CSMD1: variants seen among roughly 807,000 people sequenced by gnomAD.
CSMD1 encodes CUB and sushi domain-containing protein 1.
A neutral mutation model predicts 417.5 loss-of-function variants in CSMD1; 213 were observed. The observed-to-expected ratio is 0.51, with a 90% CI of 0.46 to 0.57. The LOEUF is 0.57. CSMD1 is among the 20% of genes least tolerant of loss of function. The pLI is 0.00. For missense variants in CSMD1, 6,923 were observed against 4,529.7 expected, an observed-to-expected ratio of 1.53 and a Z score of -15.17; for synonymous variants, 2,862 against 1,736.8, an observed-to-expected ratio of 1.65 and a Z score of -16.11.
chr8:3,918,223 T>C (rs1450291414), intron 5 of CSMD1, among the ~76,000 whole-genome samples: 3 of 152,106 alleles, frequency 2.0e-5, no homozygotes, highest in Admixed American at 6.6e-5. Flanking sequence ...GAAGTGGGGA[T>C]TGCTGGGTCA....
intron 1 of CSMD1, among the ~76,000 whole-genome samples, chr8:4,698,891 G>T (rs1005280117): frequency 6.7e-6 from 1 of 148,424 alleles, no homozygotes; most frequent in Non-Finnish European, 1.5e-5. Flanking sequence ...TTAAACATGT[G>T]CATACCCTCC....
intron 1 of CSMD1, among the ~76,000 whole-genome samples, chr8:4,947,194 T>G (rs934357296): frequency 7.9e-5 from 12 of 152,190 alleles, no homozygotes; most frequent in Non-Finnish European, 1.6e-4. Context: ...ACAGAATACA[T>G]TCACTGCTGT....
chr8:4,105,580 G>T (rs28639388), intron 3 of CSMD1, among the ~76,000 whole-genome samples: 32,002 of 152,046 alleles, frequency 0.21, 4,088 homozygotes, highest in South Asian at 0.38. Context: ...CATTGTCTAT[G>T]AGTAGGTGAT....
rs769075992 is a variant in CSMD1, at chr8:3,106,678, G to A, written c.6836-37C>T. On this transcript the variant is annotated intron_variant, in intron 45 of 69. Coordinates refer to ENST00000635120, the MANE Select transcript of CSMD1 (RefSeq NM_033225.6). ...AATGCAACAAACCAGGAAATTGTGTGTGACCTTCTGAGTGTGTGAAGGTGT... is the reference window on the plus strand; with the variant it reads ...AATGCAACAAACCAGGAAATTGTGTATGACCTTCTGAGTGTGTGAAGGTGT... 4 of 1,323,256 alleles carry A rather than the reference G, an allele frequency of 3.0e-6. No homozygotes were observed. The South Asian group carries it at 3.8e-5, about 12-fold the overall frequency. 82.0% of individuals were successfully genotyped at this position (1,323,256 alleles called of 1,614,324 possible).
At chr8:3,846,577 T>G (rs1033156179) in intron 5 of CSMD1, among the ~76,000 whole-genome samples, 2 of 152,190 alleles carry the variant, frequency 1.3e-5, no homozygotes, top group East Asian at 1.9e-4. Flanking sequence ...TTAGATTAAG[T>G]TGACATTTAA....
intron 1 of CSMD1, among the ~76,000 whole-genome samples, chr8:4,981,960 G>A (rs1303898316): frequency 6.6e-6 from 1 of 152,150 alleles, no homozygotes; most frequent in Non-Finnish European, 1.5e-5. Context: ...ACAACCGTGT[G>A]TGGCCCCCAG....
At chr8:2,961,516 A>G (rs2128925600) in intron 61 of CSMD1, among the ~76,000 whole-genome samples, 1 of 152,206 alleles carries the variant, frequency 6.6e-6, no homozygotes, top group South Asian at 2.1e-4. Context: ...TCAATGATAT[A>G]CTATCTTCAA....
At chr8:3,809,039 C>A (rs1182058512) in intron 5 of CSMD1, among the ~76,000 whole-genome samples, 1 of 152,130 alleles carries the variant, frequency 6.6e-6, no homozygotes, top group Non-Finnish European at 1.5e-5. Flanking sequence ...TGAAGAGATA[C>A]ACTTAGCTTT....
At chr8:4,342,821 G>A (rs527397022) in intron 3 of CSMD1, among the ~76,000 whole-genome samples, 62 of 147,588 alleles carry the variant, frequency 4.2e-4, no homozygotes, top group South Asian at 2.1e-3. Flanking sequence ...CCACAACATC[G>A]CAAAGAAAAA....
intron 2 of CSMD1, among the ~76,000 whole-genome samples, chr8:4,519,934 T>C (rs956438126): frequency 3.9e-4 from 42 of 108,786 alleles, no homozygotes; most frequent in South Asian, 2.6e-3. Flanking sequence ...TGTGTGTGTG[T>C]GCGTGTGTGT....
intron 2 of CSMD1, among the ~76,000 whole-genome samples, chr8:4,555,193 T>C (rs909045417): frequency 6.6e-6 from 1 of 152,070 alleles, no homozygotes; most frequent in Non-Finnish European, 1.5e-5. Context: ...GGCAGATTGG[T>C]AGGAATAAGA....
chr8:3,959,869 A>T (rs185203842), intron 5 of CSMD1, among the ~76,000 whole-genome samples: 88 of 152,338 alleles, frequency 5.8e-4, no homozygotes, highest in Middle Eastern at 3.4e-3. Flanking sequence ...TGAGGTATAT[A>T]ACGTGTGATC....
intron 2 of CSMD1, among the ~76,000 whole-genome samples, chr8:4,500,568 A>G (rs1802210279): frequency 6.6e-6 from 1 of 152,092 alleles, no homozygotes; most frequent in African/African-American, 2.4e-5. Context: ...ACTGTTACTA[A>G]AAAGAAGAAC....
At chr8:4,833,968 A>G (rs1800304698) in intron 1 of CSMD1, among the ~76,000 whole-genome samples, 1 of 152,068 alleles carries the variant, frequency 6.6e-6, no homozygotes, top group African/African-American at 2.4e-5. Flanking sequence ...CTATCTTAGC[A>G]CCTTGAAGAG....
intron 37 of CSMD1, among the ~76,000 whole-genome samples, chr8:3,167,580 T>C (rs987978467): frequency 5.9e-5 from 9 of 152,338 alleles, no homozygotes; most frequent in Admixed American, 1.3e-4. Flanking sequence ...ATTCCAATGT[T>C]AAAATTTGGA....
Position 4,748,111 on chromosome 8 carries a change from G to C in CSMD1, c.86-110553C>G, listed in dbSNP as rs553355730. Among the ~76,000 whole-genome samples, 7 of 152,214 alleles carry C rather than the reference G, an allele frequency of 4.6e-5. No homozygotes were observed. The South Asian group carries it at 8.3e-4, about 18-fold the overall frequency. ...TATGACTGATGAAAATCCTTCCTTA[G>C]AAGAACAATGACATGCTACCAACCA... On this transcript the variant is annotated intron_variant, in intron 1 of 69. Coordinates refer to ENST00000635120, the MANE Select transcript of CSMD1 (RefSeq NM_033225.6).
chr8:3,518,198 A>C (rs1797360690), intron 10 of CSMD1, among the ~76,000 whole-genome samples: 1 of 152,218 alleles, frequency 6.6e-6, no homozygotes, highest in African/African-American at 2.4e-5. Context: ...CTATGGACCA[A>C]TGATTACTTA....
At chr8:4,291,938 G>C (rs1199800304) in intron 3 of CSMD1, among the ~76,000 whole-genome samples, 6 of 152,192 alleles carry the variant, frequency 3.9e-5, no homozygotes, top group Admixed American at 3.9e-4. Flanking sequence ...ATGTGAAAAA[G>C]CAGGCAGGGA....
intron 8 of CSMD1, among the ~76,000 whole-genome samples, chr8:3,610,841 A>T (rs890019327): frequency 1.3e-4 from 20 of 152,054 alleles, no homozygotes; most frequent in African/African-American, 4.8e-4. Context: ...ATCATTTTAC[A>T]ATACTCTAAG....
Sources: gnomAD v4.1 joint callset for allele counts (sites outside exome capture counted in the v4.1 genomes callset) on GRCh38, gnomAD v4.1.1 for gene constraint, MANE v1.5 for transcripts, NCBI Gene and HGNC (gene_info 2026-07-23, HGNC 2026-07-21) for gene names.